Variants in PKHD1 observed in about 807,000 individuals in gnomAD.
The protein encoded by PKHD1 is PKHD1 ciliary IPT domain containing fibrocystin/polyductin, also known as fibrocystin.
In PKHD1, 291 loss-of-function variants were observed where a neutral mutation model predicts 412.0. That is an observed-to-expected ratio of 0.71 (90% confidence interval 0.64 to 0.78). The LOEUF (loss-of-function observed/expected upper bound fraction) is 0.78. Ranked by LOEUF, PKHD1 falls within the 30% of genes least tolerant of loss-of-function variation. The pLI is 0.00. For synonymous variants in PKHD1, 1,777 were observed against 1,821.5 expected (o/e 0.98, Z 0.62); for missense variants, 4,825 against 4,950.7 (o/e 0.97, Z 0.76).
intron 60 of PKHD1, among the ~76,000 whole-genome samples, chr6:51,735,127 A>C (rs1783680763): frequency 6.6e-6 from 1 of 152,236 alleles, no homozygotes; most frequent in South Asian, 2.1e-4. Flanking sequence ...TAAAGTAAAA[A>C]TATGTGAATG....
At chr6:52,050,076 T>C in intron 22 of PKHD1, 81 bp downstream of exon 22, 3 of 1,401,770 alleles carry the variant, frequency 2.1e-6, no homozygotes, top group Non-Finnish European at 3.0e-6. Context: ...TAGCTTTTCC[T>C]GAAAAAAGTC....
intron 46 of PKHD1, among the ~76,000 whole-genome samples, chr6:51,882,572 A>G (rs1777549001): frequency 6.6e-6 from 1 of 152,158 alleles, no homozygotes; most frequent in African/African-American, 2.4e-5. Flanking sequence ...AAAAACAAGA[A>G]CATAGGGGAT....
intron 61 of PKHD1, among the ~76,000 whole-genome samples, chr6:51,656,643 G>A (rs149242471): frequency 0.01 from 1,551 of 149,234 alleles, 27 homozygotes; most frequent in African/African-American, 0.035. Flanking sequence ...AACAGAGTTG[G>A]TAGCTTATAG....
chr6:51,978,893 C>A (rs1794787956), intron 35 of PKHD1, among the ~76,000 whole-genome samples: 1 of 152,212 alleles, frequency 6.6e-6, no homozygotes, highest in Non-Finnish European at 1.5e-5. Context: ...TCAACTCTCT[C>A]CTAAACTCTA....
chr6:51,671,817 T>A (rs1387969942), intron 60 of PKHD1, among the ~76,000 whole-genome samples: 1 of 152,132 alleles, frequency 6.6e-6, no homozygotes, highest in Non-Finnish European at 1.5e-5. Flanking sequence ...GTGTGAGGTG[T>A]CAGTCTGCTC....
chr6:51,985,026 A>C (rs77472960), intron 35 of PKHD1, among the ~76,000 whole-genome samples: 8,274 of 152,268 alleles, frequency 0.054, 293 homozygotes, highest in East Asian at 0.14. Flanking sequence ...TAGAAAAAAA[A>C]AACAATTACT....
At chr6:51,727,186 CT>C (rs1027742857) in intron 60 of PKHD1, among the ~76,000 whole-genome samples, 6 of 152,046 alleles carry the variant, frequency 3.9e-5, no homozygotes, top group South Asian at 2.1e-4. Context: ...GCATTTTAAA[CT>C]TTTTTTTCTT....
intron 35 of PKHD1, among the ~76,000 whole-genome samples, chr6:51,980,805 A>T (rs938392156): frequency 6.6e-6 from 1 of 152,266 alleles, no homozygotes; most frequent in Non-Finnish European, 1.5e-5. Flanking sequence ...AACAGTACAG[A>T]CTACTCAACA....
intron 60 of PKHD1, among the ~76,000 whole-genome samples, chr6:51,693,694 C>T (rs1582122192): frequency 6.6e-6 from 1 of 152,148 alleles, no homozygotes; most frequent in East Asian, 1.9e-4. Flanking sequence ...CATGGGATGG[C>T]AGTGGTATAG....
chr6:51,746,614 T>C (rs1254231010), intron 59 of PKHD1, 107 bp downstream of exon 59: 2 of 766,926 alleles, frequency 2.6e-6, no homozygotes, highest in Non-Finnish European at 4.6e-6. Context: ...CTAAGATTCA[T>C]TTCTATTTCT....
intron 48 of PKHD1, among the ~76,000 whole-genome samples, chr6:51,858,313 C>G (rs772278495): frequency 6.6e-6 from 1 of 152,202 alleles, no homozygotes; most frequent in Non-Finnish European, 1.5e-5. Context: ...TCATGGCTCT[C>G]TCTTCCCCTG....
chr6:51,908,948 C>T (rs1462160883), intron 40 of PKHD1, among the ~76,000 whole-genome samples: 1 of 152,110 alleles, frequency 6.6e-6, no homozygotes, highest in East Asian at 1.9e-4. Context: ...TTGTGTGGTT[C>T]ACTCTTGTGT....
At chr6:51,990,499 C>T (rs920952224) in intron 35 of PKHD1, among the ~76,000 whole-genome samples, 4 of 152,156 alleles carry the variant, frequency 2.6e-5, no homozygotes, top group Non-Finnish European at 4.4e-5. Flanking sequence ...TTTCAGAGCC[C>T]TTCCATATTT....
chr6:51,785,633 G>A (rs1582678022), intron 53 of PKHD1, among the ~76,000 whole-genome samples: 2 of 151,988 alleles, frequency 1.3e-5, no homozygotes, highest in South Asian at 4.1e-4. Flanking sequence ...ACTTCCTCTT[G>A]TAAATTGCCT....
chr6:51,954,860 T>C (rs990637669), intron 36 of PKHD1, among the ~76,000 whole-genome samples: 1 of 152,000 alleles, frequency 6.6e-6, no homozygotes, highest in South Asian at 2.1e-4. Context: ...CACATCAAGC[T>C]GCTTGATGAC....
At chr6:51,678,729 ATTC>A (rs965581902) in intron 60 of PKHD1, among the ~76,000 whole-genome samples, 2 of 152,102 alleles carry the variant, frequency 1.3e-5, no homozygotes, top group Non-Finnish European at 2.9e-5. Context: ...CTGTTCATCT[ATTC>A]TTAACTTTCT....
chr6:51,736,818 A>T (rs1473914616), intron 60 of PKHD1, among the ~76,000 whole-genome samples: 1 of 152,064 alleles, frequency 6.6e-6, no homozygotes, highest in Non-Finnish European at 1.5e-5. Context: ...CATTCTCAGG[A>T]TAAATGGGAA....
Position 51,783,701 on chromosome 6 carries a change from A to T in PKHD1, c.8440+7535T>A, listed in dbSNP as rs1308931876. On this transcript the variant is annotated intron_variant, in intron 53 of 66. Coordinates refer to ENST00000371117, the MANE Select transcript of PKHD1 (RefSeq NM_138694.4). ...AAAGCTTTTATATGTTTAAAAAAAC[A>T]TTTAAATCAAATAACAAACAAATGT... 2.0e-5 allele frequency among the ~76,000 whole-genome samples: 3 copies of T among 152,320 alleles called. No homozygotes were observed. The South Asian group carries it at 6.2e-4, about 32-fold the overall frequency.
At chr6:52,043,784 T>C (rs532809436) in intron 25 of PKHD1, 54 bp from the exon 26 acceptor site, 2 of 1,250,284 alleles carry the variant, frequency 1.6e-6, no homozygotes, top group Admixed American at 1.7e-5. Flanking sequence ...TCTACCAGGG[T>C]ATTCATAAAG....
Sources: gnomAD v4.1 joint callset for allele counts (sites outside exome capture counted in the v4.1 genomes callset) on GRCh38, gnomAD v4.1.1 for gene constraint, MANE v1.5 for transcripts, NCBI Gene and HGNC (gene_info 2026-07-23, HGNC 2026-07-21) for gene names.